Variants in MAP3K9 observed in about 807,000 individuals in gnomAD.
MAP3K9 encodes mitogen-activated protein kinase kinase kinase 9.
Under a neutral mutation model 95.8 loss-of-function variants are expected in MAP3K9, and 46 were observed. The observed-to-expected ratio is 0.48, with a 90% CI of 0.38 to 0.61. The LOEUF (loss-of-function observed/expected upper bound fraction) is 0.61, where lower values mean the gene tolerates loss of function less well. MAP3K9 is among the 20% of genes least tolerant of loss of function. The pLI is 0.00. For synonymous variants in MAP3K9, 533 were observed against 593.8 expected, an observed-to-expected ratio of 0.90 and a Z score of 1.49; for missense variants, 1,296 against 1,474.3, an observed-to-expected ratio of 0.88 and a Z score of 1.98.
At position 70,724,289 on chromosome 14, in the gene MAP3K9, C is replaced by A. The variant is rs2053790425; in HGVS notation, c.*6091G>T. 1 of 152,254 alleles carries A rather than the reference C, an allele frequency of 6.6e-6. No homozygotes were observed. The highest frequency in any genetic ancestry group is 2.4e-5 in the African/African-American group (1 of 41,444). The allele number at this position is 152,254 out of a possible 1,614,324, so 9.4% of individuals were successfully genotyped here. On this transcript the variant is annotated 3_prime_UTR_variant, in exon 12 of 12. Transcript: ENST00000554752. ...CAGAGAACACCAAGGAAATGTCACA[C>A]CCAGGTATAGATCCAAAGTTAAAAG...
intron 3 of MAP3K9, among the ~76,000 whole-genome samples, chr14:70,756,183 G>A (rs1482387266): frequency 6.6e-6 from 1 of 152,184 alleles, no homozygotes; most frequent in Non-Finnish European, 1.5e-5. Context: ...GTCATCCTGA[G>A]AAGACTCTAC....
chr14:70,778,557 T>C (rs765559037), intron 2 of MAP3K9, among the ~76,000 whole-genome samples: 4 of 152,176 alleles, frequency 2.6e-5, no homozygotes, highest in Non-Finnish European at 1.5e-5. Flanking sequence ...GTTACAGGCA[T>C]GAGCCACTGC....
chr14:70,786,745 T>C (rs1215301884), intron 2 of MAP3K9, among the ~76,000 whole-genome samples: 3 of 152,242 alleles, frequency 2.0e-5, no homozygotes, highest in Admixed American at 6.5e-5. Context: ...TCAGCTTCTC[T>C]AGTTCACAAC....
At position 70,729,581 on chromosome 14, in the gene MAP3K9, T is replaced by C. The variant is rs1386715432; in HGVS notation, c.*799A>G. On this transcript the variant is annotated 3_prime_UTR_variant, in exon 12 of 12. Transcript: ENST00000554752. ...GGTCTGACGAGGTCCTGACCCCAAG[T>C]AGCTAGATGGGTACCCTCAATACTT... 2 of 152,234 alleles carry C rather than the reference T, an allele frequency of 1.3e-5. No homozygotes were observed. Among genetic ancestry groups the C allele is most frequent in the Non-Finnish European group, 2.9e-5 (2 of 68,054 alleles). The allele number at this position is 152,234 out of a possible 1,614,324, so 9.4% of individuals were successfully genotyped here.
rs1443240521 is a variant in MAP3K9, at chr14:70,808,813, C to T, written c.359G>A (p.Arg120His). Residue 120 changes from arginine to histidine, a missense_variant, in exon 1 of 12, where the codon CGC becomes CAC. Transcript: ENST00000554752. ...YVTPRSAFSS[R>H]CQPGGEDPSC... ...GGGGTCCTCGCCGCCGGGCTGGCAGCGGCTGGAGAAGGCGCTGCGCGGGGT... is the reference window on the plus strand; with the variant it reads ...GGGGTCCTCGCCGCCGGGCTGGCAGTGGCTGGAGAAGGCGCTGCGCGGGGT... 2 of 1,593,124 alleles carry T rather than the reference C, an allele frequency of 1.3e-6. No homozygotes were observed. The highest frequency in any genetic ancestry group is 1.4e-5 in the African/African-American group (1 of 73,736).
chr14:70,803,474 A>G (rs2054956225), intron 1 of MAP3K9, among the ~76,000 whole-genome samples: 1 of 151,918 alleles, frequency 6.6e-6, no homozygotes, highest in Non-Finnish European at 1.5e-5. Flanking sequence ...CAAGACCAAA[A>G]GAGGAACTGC....
At position 70,808,929 on chromosome 14, in the gene MAP3K9, C is replaced by A. The variant is rs370802446; in HGVS notation, c.243G>T (p.Val81=). The change falls in exon 1 of 12, where the codon GTG becomes GTT. Residue 81 remains valine, a synonymous_variant. Coordinates refer to ENST00000554752, the MANE Select transcript of MAP3K9 (RefSeq NM_001284230.2). ...LTLRLGDVVE[V]LSKDSQVSGD... ...CGGACACCTGCGAGTCCTTGGACAG[C>A]ACCTCCACCACGTCGCCCAGCCGCA... 2 of 1,586,406 alleles carry A rather than the reference C, an allele frequency of 1.3e-6. No homozygotes were observed. The highest frequency in any genetic ancestry group is 1.7e-6 in the Non-Finnish European group (2 of 1,171,698).
chr14:70,768,344 T>A (rs2054485836), intron 2 of MAP3K9, among the ~76,000 whole-genome samples: 2 of 152,092 alleles, frequency 1.3e-5, no homozygotes, highest in African/African-American at 4.8e-5. Context: ...ATCACTATTG[T>A]AAATGGGAAA....
At chr14:70,746,594 T>C (rs1290159963) in intron 5 of MAP3K9, among the ~76,000 whole-genome samples, 1 of 152,244 alleles carries the variant, frequency 6.6e-6, no homozygotes, top group African/African-American at 2.4e-5. Context: ...TTCACCATCA[T>C]TAACTGTGTG....
At position 70,733,232 on chromosome 14, in the gene MAP3K9, A is replaced by G. The variant is rs2053937808; in HGVS notation, c.2137T>C (p.Ser713Pro). The G allele has an allele frequency of 1.1e-5, 18 of 1,612,292 alleles. No homozygotes were observed. Among genetic ancestry groups the G allele is most frequent in the Non-Finnish European group, 1.5e-5 (18 of 1,178,802 alleles). Residue 713 changes from serine (S) to proline (P), a missense_variant, in exon 11 of 12, where the codon TCC becomes CCC. Ser to Pro is a moderately conservative substitution (Grantham distance 74). Transcript: ENST00000554752. ...GGCTCCTCATGGATTCCATCACTGG[A>G]GGGGCCATCGCCATCCTCTCCACGA... Reference protein sequence around the residue: ...FPRGEDGDGPSSDGIHEEPTP... With the variant: ...FPRGEDGDGPPSDGIHEEPTP...
intron 9 of MAP3K9, 70 bp from the exon 10 acceptor site, chr14:70,734,568 T>C: frequency 2.4e-6 from 2 of 846,572 alleles, no homozygotes; most frequent in Non-Finnish European, 1.9e-6. Flanking sequence ...GCTCCATGGG[T>C]CTATGGAGAC....
intron 1 of MAP3K9, 88 bp from the exon 2 acceptor site, chr14:70,801,168 G>A (rs937774519): frequency 7.8e-6 from 10 of 1,279,904 alleles, no homozygotes; most frequent in African/African-American, 6.0e-5. Context: ...GGGTAAACAC[G>A]GCAAGTTGTC....
intron 2 of MAP3K9, among the ~76,000 whole-genome samples, chr14:70,785,613 G>A (rs1422005774): frequency 1.3e-5 from 2 of 152,186 alleles, no homozygotes; most frequent in African/African-American, 2.4e-5. Flanking sequence ...CAGTGACACA[G>A]TGTTTGGTAC....
At chr14:70,737,073 G>C (rs2053995650) in intron 8 of MAP3K9, among the ~76,000 whole-genome samples, 1 of 152,180 alleles carries the variant, frequency 6.6e-6, no homozygotes, top group African/African-American at 2.4e-5. Flanking sequence ...ACTAAAAAAT[G>C]TGGAAGGAGA....
At chr14:70,801,179 T>A in intron 1 of MAP3K9, 99 bp from the exon 2 acceptor site, 1 of 1,151,890 alleles carries the variant, frequency 8.7e-7, no homozygotes, top group Non-Finnish European at 1.2e-6. Flanking sequence ...GCAAGTTGTC[T>A]GTTTACTGGG....
At chr14:70,742,926 T>C (rs1043767122) in intron 5 of MAP3K9, among the ~76,000 whole-genome samples, 1 of 148,224 alleles carries the variant, frequency 6.7e-6, no homozygotes, top group Non-Finnish European at 1.5e-5. Context: ...TATATATATA[T>C]ATATATATAT....
At chr14:70,772,769 G>A (rs989323939) in intron 2 of MAP3K9, among the ~76,000 whole-genome samples, 2 of 152,250 alleles carry the variant, frequency 1.3e-5, no homozygotes, top group South Asian at 4.1e-4. Context: ...CAACATACCA[G>A]GTGCTAAGCT....
At chr14:70,759,711 T>C (rs1270455729) in intron 3 of MAP3K9, among the ~76,000 whole-genome samples, 1 of 152,172 alleles carries the variant, frequency 6.6e-6, no homozygotes, top group African/African-American at 2.4e-5. Flanking sequence ...ATAACAATGG[T>C]GACCCATACA....
chr14:70,740,007 G>A (rs750751964), intron 7 of MAP3K9, 35 bp downstream of exon 7: 269 of 1,614,078 alleles, frequency 1.7e-4, no homozygotes, highest in Non-Finnish European at 2.0e-4. Context: ...GCCCCTGTGT[G>A]TTCTGGCCCC....
Sources: gnomAD v4.1 joint callset for allele counts (sites outside exome capture counted in the v4.1 genomes callset) on GRCh38, gnomAD v4.1.1 for gene constraint, MANE v1.5 for transcripts, NCBI Gene and HGNC (gene_info 2026-07-23, HGNC 2026-07-21) for gene names.